Variants in CSMD1 observed in about 807,000 individuals in gnomAD.
CSMD1 encodes CUB and sushi domain-containing protein 1.
In CSMD1, 213 loss-of-function variants were observed where a neutral mutation model predicts 417.5. The observed-to-expected ratio is 0.51, with a 90% CI of 0.46 to 0.57. The LOEUF is 0.57. CSMD1 is among the 20% of genes least tolerant of loss of function. The probability of loss-of-function intolerance (pLI) is 0.00; values close to 1 mark genes in which losing one functional copy is unlikely to be tolerated. For synonymous variants in CSMD1, 2,862 were observed against 1,736.8 expected (o/e 1.65, Z -16.11); for missense variants, 6,923 against 4,529.7 (o/e 1.53, Z -15.17).
At chr8:4,320,438 C>T (rs889897576) in intron 3 of CSMD1, among the ~76,000 whole-genome samples, 5 of 151,988 alleles carry the variant, frequency 3.3e-5, no homozygotes, top group South Asian at 2.1e-4. Context: ...AGACACGTGC[C>T]ATGATGGTTT....
At chr8:4,237,284 T>C (rs1337204115) in intron 3 of CSMD1, among the ~76,000 whole-genome samples, 1 of 152,172 alleles carries the variant, frequency 6.6e-6, no homozygotes, top group Non-Finnish European at 1.5e-5. Flanking sequence ...GTGTTTATAT[T>C]AAGAAACAAA....
At chr8:3,706,155 C>T (rs1193471183) in intron 7 of CSMD1, among the ~76,000 whole-genome samples, 4 of 152,228 alleles carry the variant, frequency 2.6e-5, no homozygotes, top group Non-Finnish European at 4.4e-5. Flanking sequence ...TGGAAGGCTC[C>T]TAAGGTGAAC....
chr8:3,330,595 G>C (rs1806828989), intron 23 of CSMD1, among the ~76,000 whole-genome samples: 3 of 152,154 alleles, frequency 2.0e-5, no homozygotes, highest in African/African-American at 7.2e-5. Context: ...GGGCCTATTG[G>C]AGGGTGGAGG....
intron 2 of CSMD1, among the ~76,000 whole-genome samples, chr8:4,524,337 G>A (rs1397659069): frequency 6.6e-6 from 1 of 151,300 alleles, no homozygotes; most frequent in Non-Finnish European, 1.5e-5. Context: ...ACTGTTAAAA[G>A]CAAGAAAAAC....
intron 1 of CSMD1, among the ~76,000 whole-genome samples, chr8:4,886,179 T>C (rs1021167821): frequency 1.3e-5 from 2 of 151,864 alleles, no homozygotes; most frequent in East Asian, 3.9e-4. Context: ...TTAGTAAAGA[T>C]CAGGTTTCAC....
Position 4,488,687 on chromosome 8 carries a change from G to C in CSMD1, c.303-68622C>G, listed in dbSNP as rs576931738. ...AAGAATTACATAATCATGGCGGTGG[G>C]GGGGGTGAAAAGTGTGGATATGTGG... is the stretch of plus-strand genomic sequence containing the variant. On this transcript the variant is annotated intron_variant, in intron 2 of 69. Coordinates refer to ENST00000635120, the MANE Select transcript of CSMD1 (RefSeq NM_033225.6). 5.3e-5 allele frequency among the ~76,000 whole-genome samples: 8 copies of C among 152,050 alleles called. No individual in the cohort carries two copies. In the East Asian group the frequency reaches 5.8e-4, roughly 11 times the overall value.
chr8:4,063,491 T>TAAAAC (rs1283185030), intron 3 of CSMD1, among the ~76,000 whole-genome samples: 1 of 152,126 alleles, frequency 6.6e-6, no homozygotes, highest in Non-Finnish European at 1.5e-5. Context: ...GTCTATTAAA[T>TAAAAC]AAAACAAAAC....
At chr8:4,672,224 G>A (rs1381760230) in intron 1 of CSMD1, among the ~76,000 whole-genome samples, 2 of 152,170 alleles carry the variant, frequency 1.3e-5, no homozygotes, top group African/African-American at 4.8e-5. Flanking sequence ...CTGCAGAGAA[G>A]GTTATATGTG....
At chr8:3,429,202 A>G (rs1174101126) in intron 12 of CSMD1, among the ~76,000 whole-genome samples, 1 of 151,756 alleles carries the variant, frequency 6.6e-6, no homozygotes, top group Non-Finnish European at 1.5e-5. Context: ...TTTTTACCGT[A>G]AAGAAACGCT....
At chr8:3,723,056 T>C (rs1219671197) in intron 6 of CSMD1, among the ~76,000 whole-genome samples, 1 of 152,200 alleles carries the variant, frequency 6.6e-6, no homozygotes, top group Non-Finnish European at 1.5e-5. Context: ...CTAGCGCAGC[T>C]GCTTTCTTCT....
At chr8:4,286,023 T>C (rs920471408) in intron 3 of CSMD1, among the ~76,000 whole-genome samples, 1 of 152,198 alleles carries the variant, frequency 6.6e-6, no homozygotes, top group Non-Finnish European at 1.5e-5. Flanking sequence ...AAAAGCTCTC[T>C]CTGCCTTGGC....
At chr8:3,492,053 G>T (rs1818408896) in intron 11 of CSMD1, among the ~76,000 whole-genome samples, 1 of 152,182 alleles carries the variant, frequency 6.6e-6, no homozygotes, top group African/African-American at 2.4e-5. Context: ...ATTAATCAGT[G>T]AAGGAGAACT....
At chr8:3,415,150 G>C (rs975563837) in intron 12 of CSMD1, among the ~76,000 whole-genome samples, 1 of 152,052 alleles carries the variant, frequency 6.6e-6, no homozygotes, top group Non-Finnish European at 1.5e-5. Context: ...AATTTAAATT[G>C]TATATATTGT....
chr8:4,957,214 T>A (rs1050445616), intron 1 of CSMD1, among the ~76,000 whole-genome samples: 3 of 152,218 alleles, frequency 2.0e-5, no homozygotes, highest in Non-Finnish European at 4.4e-5. Context: ...AGCAAACTGT[T>A]CTGCCTGGGA....
intron 1 of CSMD1, among the ~76,000 whole-genome samples, chr8:4,991,196 A>T (rs1811446343): frequency 6.6e-6 from 1 of 152,220 alleles, no homozygotes; most frequent in Admixed American, 6.5e-5. Context: ...GCATACACAG[A>T]ATTAATATTC....
intron 1 of CSMD1, among the ~76,000 whole-genome samples, chr8:4,741,929 G>A (rs1174598665): frequency 6.8e-6 from 1 of 146,932 alleles, no homozygotes; most frequent in Non-Finnish European, 1.5e-5. Context: ...GACTTCCTGG[G>A]CTCAAGGAAT....
chr8:4,269,586 A>T (rs989219939), intron 3 of CSMD1, among the ~76,000 whole-genome samples: 1 of 152,188 alleles, frequency 6.6e-6, no homozygotes, highest in Non-Finnish European at 1.5e-5. Context: ...TTTTGAAAGC[A>T]TCCTTCACAT....
At chr8:4,880,605 C>T (rs1013546610) in intron 1 of CSMD1, among the ~76,000 whole-genome samples, 5 of 152,046 alleles carry the variant, frequency 3.3e-5, no homozygotes, top group African/African-American at 1.2e-4. Context: ...CCCACATTGC[C>T]TCTATTGGAT....
intron 1 of CSMD1, among the ~76,000 whole-genome samples, chr8:4,978,136 G>A (rs185140997): frequency 9.9e-5 from 15 of 152,256 alleles, no homozygotes; most frequent in East Asian, 7.7e-4. Context: ...TCTCAGTCAC[G>A]TGGCCCTGGA....
Sources: gnomAD v4.1 joint callset for allele counts (sites outside exome capture counted in the v4.1 genomes callset) on GRCh38, gnomAD v4.1.1 for gene constraint, MANE v1.5 for transcripts, NCBI Gene and HGNC (gene_info 2026-07-23, HGNC 2026-07-21) for gene names.